Variants in DNAJB11 observed in about 807,000 individuals in gnomAD.
DNAJB11 encodes dnaJ homolog subfamily B member 11.
Under a neutral mutation model 47.2 loss-of-function variants are expected in DNAJB11, and 30 were observed. The ratio of observed to expected loss-of-function variants is 0.64; its 90% CI spans 0.48 to 0.86. DNAJB11 has a LOEUF of 0.86. Ranked by LOEUF, DNAJB11 falls within the 40% of genes least tolerant of loss-of-function variation. The probability of loss-of-function intolerance (pLI) is 0.00; values close to 1 mark genes in which losing one functional copy is unlikely to be tolerated. For synonymous variants in DNAJB11, 151 were observed against 159.9 expected, an observed-to-expected ratio of 0.94 and a Z score of 0.42; for missense variants, 357 against 440.2, an observed-to-expected ratio of 0.81 and a Z score of 1.69.
intron 2 of DNAJB11, among the ~76,000 whole-genome samples, chr3:186,575,368 C>CGCGTGTGTGTGT (rs1406330956): frequency 1.4e-3 from 194 of 143,446 alleles, no homozygotes; most frequent in African/African-American, 5.1e-3. Flanking sequence ...CGCGCGCGCG[C>CGCGTGTGTGTGT]GTGTGTGTGT....
chr3:186,583,853 T>C lies in DNAJB11; in HGVS notation c.741-12T>C. On this transcript the variant is annotated splice_polypyrimidine_tract_variant and intron_variant, in intron 7 of 9. Coordinates refer to ENST00000265028, the MANE Select transcript of DNAJB11 (RefSeq NM_016306.6). ...TTGGAAATTAATGATTTTTACCTTA[T>C]TCTGTTTTTAGGCACCCAATATTTG... 1 of 1,595,488 alleles carries C rather than the reference T, an allele frequency of 6.3e-7. No homozygotes were observed. Among genetic ancestry groups the C allele is most frequent in the Non-Finnish European group, 8.6e-7 (1 of 1,163,762 alleles).
chr3:186,581,116 T>A, intron 4 of DNAJB11: 1 of 389,980 alleles, frequency 2.6e-6, no homozygotes. Flanking sequence ...ATTTTTCGGT[T>A]CTCTTGTTTC....
intron 6 of DNAJB11, 133 bp from the exon 7 acceptor site, chr3:186,582,583 C>T: frequency 4.2e-6 from 3 of 706,848 alleles, no homozygotes; most frequent in South Asian, 1.7e-5. Flanking sequence ...TACAACCAGG[C>T]AGAGACACTG....
At chr3:186,580,847 C>T (rs1715457855) in intron 4 of DNAJB11, 1 of 152,342 alleles carries the variant, frequency 6.6e-6, no homozygotes, top group African/African-American at 2.4e-5. Context: ...CATTGTTTCT[C>T]TTCCTACATG....
chr3:186,580,053 G>A (rs1715432123), intron 4 of DNAJB11: 1 of 152,172 alleles, frequency 6.6e-6, no homozygotes, highest in African/African-American at 2.4e-5. Flanking sequence ...AGGAGAAAAG[G>A]GCATTAAAAA....
At position 186,578,627 on chromosome 3, in the gene DNAJB11, A is replaced by G. The variant is rs551843927; in HGVS notation, c.456+827A>G. 1.3e-3 allele frequency: 198 copies of G among 152,288 alleles called. 1 individual carries two copies. The highest frequency in any genetic ancestry group is 4.4e-3 in the African/African-American group (184 of 41,550). 9.4% of individuals were successfully genotyped at this position (152,288 alleles called of 1,614,324 possible). ...TTGTTTTACATTTTTTAAATTACCA[A>G]TTAGGATCAGCATCTCTTCCTGTGT... On this transcript the variant is annotated intron_variant, in intron 4 of 9. Transcript: ENST00000265028.
chr3:186,581,548 A>C, intron 5 of DNAJB11, 35 bp downstream of exon 5: 1 of 1,601,782 alleles, frequency 6.2e-7, no homozygotes, highest in East Asian at 2.2e-5. Context: ...CTACCAAGAA[A>C]CACTTGTTAA....
chr3:186,576,467 T>C (rs1578988526), intron 3 of DNAJB11, among the ~76,000 whole-genome samples: 1 of 152,220 alleles, frequency 6.6e-6, no homozygotes, highest in East Asian at 1.9e-4. Flanking sequence ...CCTCTCTTTA[T>C]TGAGCATTTG....
intron 4 of DNAJB11, chr3:186,579,172 G>A (rs1242172400): frequency 1.3e-5 from 2 of 151,992 alleles, no homozygotes; most frequent in African/African-American, 4.8e-5. Flanking sequence ...TTAATATGAG[G>A]TTATTCATCT....
intron 8 of DNAJB11, among the ~76,000 whole-genome samples, 172 bp from the exon 9 acceptor site, chr3:186,584,255 CTTT>C (rs1225473545): frequency 6.6e-6 from 1 of 152,180 alleles, no homozygotes; most frequent in Non-Finnish European, 1.5e-5. Flanking sequence ...GATTTTTCTT[CTTT>C]AAAATCCTTT....
At chr3:186,572,301 A>G (rs1715096368) in intron 2 of DNAJB11, 50 bp downstream of exon 2, 3 of 1,511,708 alleles carry the variant, frequency 2.0e-6, no homozygotes, top group Middle Eastern at 1.7e-4. Flanking sequence ...AGCTCTAGAA[A>G]AAACATACAA....
At chr3:186,574,558 T>C (rs1715199819) in intron 2 of DNAJB11, among the ~76,000 whole-genome samples, 1 of 152,206 alleles carries the variant, frequency 6.6e-6, no homozygotes, top group Non-Finnish European at 1.5e-5. Flanking sequence ...AAACATGCTT[T>C]CCTCTCCCTT....
At chr3:186,577,467 G>A (rs565726752) in intron 3 of DNAJB11, among the ~76,000 whole-genome samples, 3 of 152,220 alleles carry the variant, frequency 2.0e-5, no homozygotes, top group Admixed American at 6.5e-5. Context: ...GTAAGGGACC[G>A]TATAGTTACA....
chr3:186,570,789 G>C lies in DNAJB11; in HGVS notation c.-109G>C, dbSNP rs994870661. 1.8e-5 allele frequency: 18 copies of C among 980,402 alleles called. No individual in the cohort carries two copies. In the African/African-American group the frequency reaches 2.9e-4, roughly 16 times the overall value. The allele number at this position is 980,402 out of a possible 1,614,324, so 60.7% of individuals were successfully genotyped here. On this transcript the variant is annotated 5_prime_UTR_variant, in exon 1 of 10. Coordinates refer to ENST00000265028, the MANE Select transcript of DNAJB11 (RefSeq NM_016306.6). Reference sequence around the variant, plus strand: ...CTCTGCGGACCAAGGAGACCCCCGCGCCCCCCCGGTGTGAGGCGGCCTCAC... The same window carrying C: ...CTCTGCGGACCAAGGAGACCCCCGCCCCCCCCCGGTGTGAGGCGGCCTCAC...
At chr3:186,573,428 A>G (rs570905954) in intron 2 of DNAJB11, among the ~76,000 whole-genome samples, 1 of 152,120 alleles carries the variant, frequency 6.6e-6, no homozygotes, top group Non-Finnish European at 1.5e-5. Flanking sequence ...TCTGTCTGCC[A>G]AGCTGGAGTA....
intron 7 of DNAJB11, 34 bp downstream of exon 7, chr3:186,582,807 G>A (rs368903661): frequency 2.8e-5 from 42 of 1,496,858 alleles, no homozygotes; most frequent in Non-Finnish European, 3.7e-5. Context: ...CTTCTCAGAT[G>A]AGTCAAATTA....
rs1035750493 is a variant in DNAJB11 at position 186,581,294 on chromosome 3, C to T, written c.457-77C>T. 5 of 1,534,708 alleles carry T rather than the reference C, an allele frequency of 3.3e-6. No individual in the cohort carries two copies. The Admixed American group carries it at 5.3e-5, about 16-fold the overall frequency. The stretch of plus-strand genomic sequence containing the variant: ...GGAAGTTTCAGTCCAGGCATATGTG[C>T]AGAGCCTTGATCAATTGAGGAAAGG... On this transcript the variant is annotated intron_variant, in intron 4 of 9. Transcript: ENST00000265028.
chr3:186,571,021 G>GGT, intron 1 of DNAJB11, 56 bp downstream of exon 1: 7 of 1,003,448 alleles, frequency 7.0e-6, no homozygotes, highest in African/African-American at 3.6e-5. Context: ...TTGCTGGGGG[G>GGT]TGGGAGGGGG....
chr3:186,572,370 G>C, intron 2 of DNAJB11, 119 bp downstream of exon 2: 1 of 1,011,600 alleles, frequency 9.9e-7, no homozygotes, highest in Non-Finnish European at 1.4e-6. Flanking sequence ...TTTTGAGACT[G>C]AGTCTCTATT....
Sources: allele counts gnomAD v4.1 joint callset (sites outside exome capture counted in the v4.1 genomes callset), GRCh38; gene constraint gnomAD v4.1.1; transcripts MANE v1.5; gene names NCBI Gene and HGNC (gene_info 2026-07-23, HGNC 2026-07-21).